DAB1: variants seen among roughly 807,000 people sequenced by gnomAD.
DAB1 encodes DAB adaptor protein 1.
Under a neutral mutation model 64.6 loss-of-function variants are expected in DAB1, and 15 were observed. The observed-to-expected ratio is 0.23, with a 90% CI of 0.16 to 0.36. The LOEUF (loss-of-function observed/expected upper bound fraction) is 0.36, where lower values mean the gene tolerates loss of function less well. Ranked by LOEUF, DAB1 falls within the 10% of genes least tolerant of loss-of-function variation. The pLI, the probability that DAB1 is intolerant of heterozygous loss-of-function variation, is 1.00. For missense variants in DAB1, 596 were observed against 706.7 expected, an observed-to-expected ratio of 0.84 and a Z score of 1.78; for synonymous variants, 235 against 251.9, an observed-to-expected ratio of 0.93 and a Z score of 0.64.
intron 6 of DAB1, among the ~76,000 whole-genome samples, chr1:57,654,946 G>T (rs1280089777): frequency 6.6e-6 from 1 of 152,200 alleles, no homozygotes; most frequent in African/African-American, 2.4e-5. Flanking sequence ...TATAAAGTCA[G>T]AATTAAGTAA....
rs1402587009 is a variant in DAB1 at position 57,556,765 on chromosome 1, G to T, written n.625+92827C>A. Among the ~76,000 whole-genome samples the T allele has an allele frequency of 3.9e-5, 6 of 152,262 alleles. No homozygotes were observed. In the East Asian group the frequency reaches 1.2e-3, roughly 29 times the overall value. On this transcript the variant is annotated intron_variant and non_coding_transcript_variant, in intron 7 of 20. Coordinates refer to the DAB1 transcript ENST00000485760. The stretch of plus-strand genomic sequence containing the variant: ...CTTTGCTGACTATTTCTTTTGCTGT[G>T]CAGAAGCTTTTTGGTTTAGTTAACT...
At chr1:58,295,386 T>C (rs1661945366) in intron 4 of DAB1, among the ~76,000 whole-genome samples, 2 of 152,182 alleles carry the variant, frequency 1.3e-5, no homozygotes, top group African/African-American at 4.8e-5. Context: ...AATTTATTTC[T>C]AGATGTCCTC....
intron 9 of DAB1, among the ~76,000 whole-genome samples, chr1:57,053,364 C>T (rs1302952513): frequency 6.6e-6 from 1 of 152,016 alleles, no homozygotes; most frequent in Admixed American, 6.6e-5. Context: ...CATCCTGCCT[C>T]AGGCCCCCGA....
At chr1:57,488,842 A>G (rs1644126561) in intron 7 of DAB1, among the ~76,000 whole-genome samples, 1 of 152,210 alleles carries the variant, frequency 6.6e-6, no homozygotes, top group Non-Finnish European at 1.5e-5. Flanking sequence ...CATCCACAAA[A>G]TGAAAATAAT....
intron 7 of DAB1, among the ~76,000 whole-genome samples, chr1:57,495,300 C>G (rs1246304243): frequency 6.6e-6 from 1 of 152,120 alleles, no homozygotes; most frequent in African/African-American, 2.4e-5. Flanking sequence ...AAAGTTATGA[C>G]AATAATTTCT....
At chr1:57,194,466 T>C (rs1664451152) in intron 2 of DAB1, among the ~76,000 whole-genome samples, 1 of 152,108 alleles carries the variant, frequency 6.6e-6, no homozygotes, top group African/African-American at 2.4e-5. Context: ...AGTGATAAAA[T>C]AAAAGAGTTT....
chr1:57,424,523 T>C (rs1685188401), upstream of DAB1, among the ~76,000 whole-genome samples: 1 of 152,098 alleles, frequency 6.6e-6, no homozygotes, highest in African/African-American at 2.4e-5. Context: ...CAGTGTTTTC[T>C]CCCCCATCAC....
chr1:57,681,986 C>T (rs1646641084), intron 6 of DAB1, among the ~76,000 whole-genome samples: 1 of 152,098 alleles, frequency 6.6e-6, no homozygotes, highest in African/African-American at 2.4e-5. Context: ...CTGTGGGCCC[C>T]ACCTACCTCC....
intron 4 of DAB1, among the ~76,000 whole-genome samples, chr1:58,283,249 G>A (rs1246741094): frequency 6.6e-6 from 1 of 151,974 alleles, no homozygotes; most frequent in African/African-American, 2.4e-5. Flanking sequence ...GCAGAGAGAA[G>A]AAGAATTTGT....
At position 58,518,281 on chromosome 1, in the gene DAB1, A is replaced by AGG. The variant is rs1557450254; in HGVS notation, n.107+8979_107+8980insCC. Reference sequence around the variant, plus strand: ...GAGGGGAGAGGAGAGAGGAGAGGAGAAGAGAAGAGAAGAGAAGAGAAGAGA... The same window carrying AGG: ...GAGGGGAGAGGAGAGAGGAGAGGAGAGGAGAGAAGAGAAGAGAAGAGAAGAGA... On this transcript the variant is annotated intron_variant and non_coding_transcript_variant, in intron 2 of 20. Transcript: ENST00000485760. Among the ~76,000 whole-genome samples, 40 of 5,914 alleles carry AGG rather than the reference A, an allele frequency of 6.8e-3. 2 individuals carry two copies. The highest frequency in any genetic ancestry group is 9.9e-3 in the Non-Finnish European group (30 of 3,038). 3.9% of individuals were successfully genotyped at this position (5,914 alleles called of 152,430 possible). A position where few individuals can be genotyped will look rare whatever the true frequency, so the allele number is the denominator to read the frequency against.
At chr1:58,545,126 T>A (rs1270879871) in intron 1 of DAB1, among the ~76,000 whole-genome samples, 1 of 152,076 alleles carries the variant, frequency 6.6e-6, no homozygotes, top group Non-Finnish European at 1.5e-5. Flanking sequence ...CAACCCTCCT[T>A]CACCCATTCC....
rs1320557575 is a variant in DAB1, at chr1:57,086,692, A to T, written c.307-14278T>A. On this transcript the variant is annotated intron_variant, in intron 4 of 14. Coordinates refer to ENST00000371236, the MANE Select transcript of DAB1 (RefSeq NM_001365792.1). ...ACACACACACACACACACACATGAA[A>T]AAAACCTGAATGGCGGGGGGAGGGG... Among the ~76,000 whole-genome samples, 11 of 126,420 alleles carry T rather than the reference A, an allele frequency of 8.7e-5. No individual in the cohort carries two copies. The East Asian group carries it at 2.1e-3, about 25-fold the overall frequency. The allele number at this position is 126,420 out of a possible 152,430, so 82.9% of individuals were successfully genotyped here. A position where few individuals can be genotyped will look rare whatever the true frequency, so the allele number is the denominator to read the frequency against.
chr1:57,110,014 G>A (rs986555042), intron 4 of DAB1, among the ~76,000 whole-genome samples: 10 of 152,226 alleles, frequency 6.6e-5, no homozygotes, highest in African/African-American at 2.4e-4. Flanking sequence ...TTACAAAAGG[G>A]GCTTTGTGAC....
intron 6 of DAB1, among the ~76,000 whole-genome samples, chr1:57,703,043 G>T (rs950419394): frequency 6.6e-6 from 1 of 151,396 alleles, no homozygotes; most frequent in African/African-American, 2.4e-5. Context: ...TTAACTCAAG[G>T]TAGATTAAGA....
intron 1 of DAB1, among the ~76,000 whole-genome samples, chr1:57,389,731 A>G (rs765985152): frequency 1.3e-5 from 2 of 152,192 alleles, no homozygotes; most frequent in Non-Finnish European, 2.9e-5. Context: ...TTCCATAGTA[A>G]TTATAACTAA....
At chr1:58,218,092 CAG>C (rs1417106908) in intron 4 of DAB1, among the ~76,000 whole-genome samples, 1 of 151,998 alleles carries the variant, frequency 6.6e-6, no homozygotes, top group African/African-American at 2.4e-5. Context: ...TGAGATGGTA[CAG>C]GGATAAAATA....
Position 57,021,460 on chromosome 1 carries a change from G to A in DAB1, c.895+2071C>T, listed in dbSNP as rs116789955. Among the ~76,000 whole-genome samples, 654 of 152,244 alleles carry A rather than the reference G, an allele frequency of 4.3e-3. 5 individuals carry two copies. Among genetic ancestry groups the A allele is most frequent in the African/African-American group, 0.015 (606 of 41,544 alleles). Reference sequence around the variant, plus strand: ...TCATGGGGGTGGTTTTCCCCACACCGTTCTCATGGTAGTGAGTAAGTCTCA... The same window carrying A: ...TCATGGGGGTGGTTTTCCCCACACCATTCTCATGGTAGTGAGTAAGTCTCA... On this transcript the variant is annotated intron_variant, in intron 11 of 14. Coordinates refer to ENST00000371236, the MANE Select transcript of DAB1 (RefSeq NM_001365792.1).
intron 7 of DAB1, among the ~76,000 whole-genome samples, chr1:57,446,493 A>C (rs987411939): frequency 6.6e-6 from 1 of 151,750 alleles, no homozygotes; most frequent in Non-Finnish European, 1.5e-5. Flanking sequence ...GCTACTTGGG[A>C]AGGCTGAGGC....
At chr1:58,290,230 TG>T (rs1557723475) in intron 4 of DAB1, among the ~76,000 whole-genome samples, 2 of 152,100 alleles carry the variant, frequency 1.3e-5, no homozygotes, top group Non-Finnish European at 2.9e-5. Flanking sequence ...TAAGAGCACC[TG>T]GAAGGACACC....
Sources: gnomAD v4.1 joint callset for allele counts (sites outside exome capture counted in the v4.1 genomes callset) on GRCh38, gnomAD v4.1.1 for gene constraint, MANE v1.5 for transcripts, NCBI Gene and HGNC (gene_info 2026-07-23, HGNC 2026-07-21) for gene names.